Variants in SP100 observed in about 807,000 individuals in gnomAD.
SP100 encodes the protein nuclear autoantigen Sp-100.
SP100 carries 84 observed loss-of-function variants against 130.0 expected under a neutral mutation model. That is an observed-to-expected ratio of 0.65 (90% CI 0.54 to 0.77). SP100 has a LOEUF of 0.77. Among genes scored for constraint, SP100 ranks in the 30% least tolerant of loss-of-function variants. The pLI, the probability that SP100 is intolerant of heterozygous loss-of-function variation, is 0.00. For missense variants in SP100, 978 were observed against 1,052.2 expected (o/e 0.93, Z 0.97); for synonymous variants, 331 against 351.7 (o/e 0.94, Z 0.66).
At chr2:230,505,493 T>G (rs140600950) in intron 21 of SP100, among the ~76,000 whole-genome samples, 5 of 152,344 alleles carry the variant, frequency 3.3e-5, no homozygotes, top group African/African-American at 1.2e-4. Flanking sequence ...AGCCAGGTGC[T>G]CGGTCTCTCT....
In SP100 at chr2:230,416,878, C is replaced by A. The variant is rs1474965210; in HGVS notation, c.32+550C>A. The stretch of plus-strand genomic sequence containing the variant: ...AAGAAGGAAAGGGAAGAAAAAGGCC[C>A]AGGGTGACAAACGGCTAAATATTTT... On this transcript the variant is annotated intron_variant, in intron 1 of 28. Coordinates refer to ENST00000340126, the MANE Select transcript of SP100 (RefSeq NM_001080391.2). 5 of 985,426 alleles carry A rather than the reference C, an allele frequency of 5.1e-6. No individual in the cohort carries two copies. The South Asian group carries it at 2.3e-4, about 46-fold the overall frequency. The allele number at this position is 985,426 out of a possible 1,614,324, so 61.0% of individuals were successfully genotyped here. A position where few individuals can be genotyped will look rare whatever the true frequency, so the allele number is the denominator to read the frequency against.
chr2:230,441,991 A>C (rs1236921306), intron 2 of SP100, among the ~76,000 whole-genome samples: 1 of 152,138 alleles, frequency 6.6e-6, no homozygotes, highest in Non-Finnish European at 1.5e-5. Flanking sequence ...TCTCTTTGTC[A>C]TTGTGAATCT....
rs78252227 is a variant in SP100 at position 230,457,752 on chromosome 2, A to G, written c.821-3510A>G. ...CCTCAGCTCTTGCAAAGGTATTTTC[A>G]TGCATAGGTCGTTGTTCACATCAGT... On this transcript the variant is annotated intron_variant, in intron 8 of 28. Transcript: ENST00000340126. Among the ~76,000 whole-genome samples, 463 of 152,224 alleles carry G rather than the reference A, an allele frequency of 3.0e-3. 2 individuals are homozygous for G. Among genetic ancestry groups the G allele is most frequent in the Non-Finnish European group, 5.1e-3 (347 of 68,024 alleles).
Position 230,539,186 on chromosome 2 carries a change from C to T in SP100, c.2095-81C>T, listed in dbSNP as rs1329061735. On this transcript the variant is annotated intron_variant, in intron 24 of 28. Transcript: ENST00000340126. ...TTGAGGACAGAAATTTACAAGTGTG[C>T]CCTTGATACATAAAAAGGTCACATA... 1.2e-5 allele frequency: 10 copies of T among 805,672 alleles called. No individual in the cohort carries two copies. The South Asian group carries it at 1.3e-4, about 11-fold the overall frequency. The allele number at this position is 805,672 out of a possible 1,614,324, so 49.9% of individuals were successfully genotyped here.
intron 24 of SP100, among the ~76,000 whole-genome samples, chr2:230,512,058 G>A (rs1339386021): frequency 1.3e-5 from 2 of 151,762 alleles, no homozygotes; most frequent in Admixed American, 6.6e-5. Flanking sequence ...GTAGAGCCAG[G>A]GTCTCACTAT....
intron 17 of SP100, among the ~76,000 whole-genome samples, chr2:230,493,003 C>T (rs1343255976): frequency 6.6e-6 from 1 of 152,144 alleles, no homozygotes; most frequent in Non-Finnish European, 1.5e-5. Flanking sequence ...TCTTTAAAGT[C>T]CAATAAATTT....
chr2:230,515,234 A>G (rs746846523), intron 24 of SP100: 2 of 1,613,474 alleles, frequency 1.2e-6, no homozygotes, highest in South Asian at 1.1e-5. Flanking sequence ...AAGGCCCATT[A>G]TGAAAGAGAA....
At chr2:230,517,032 C>T (rs752860682) in intron 24 of SP100, among the ~76,000 whole-genome samples, 8 of 151,922 alleles carry the variant, frequency 5.3e-5, no homozygotes, top group Non-Finnish European at 8.8e-5. Flanking sequence ...ATTTGGGGAA[C>T]ATTTTATCGA....
intron 17 of SP100, among the ~76,000 whole-genome samples, chr2:230,491,512 C>T (rs13021299): frequency 0.22 from 34,006 of 152,178 alleles, 4,973 homozygotes; most frequent in African/African-American, 0.42. Flanking sequence ...TCCAGCCTCC[C>T]TGGCTCCAGC....
chr2:230,514,338 G>T (rs1190664566), intron 24 of SP100, among the ~76,000 whole-genome samples: 2 of 150,508 alleles, frequency 1.3e-5, no homozygotes, highest in African/African-American at 2.5e-5. Context: ...TAATCAAAAA[G>T]AGAATTTGTG....
intron 23 of SP100, chr2:230,508,310 A>AAATT: frequency 4.6e-5 from 6 of 129,134 alleles, no homozygotes; most frequent in Non-Finnish European, 7.8e-5. Flanking sequence ...TAAATGCCAT[A>AAATT]CTTTTTTTTT....
chr2:230,473,208 G>C, intron 15 of SP100, 116 bp from the exon 16 acceptor site: 1 of 658,798 alleles, frequency 1.5e-6, no homozygotes, highest in East Asian at 2.6e-5. Context: ...GATTTCAGAT[G>C]TAGAGCCCAT....
chr2:230,436,601 C>A (rs2063275129), intron 2 of SP100, among the ~76,000 whole-genome samples: 1 of 152,184 alleles, frequency 6.6e-6, no homozygotes, highest in African/African-American at 2.4e-5. Flanking sequence ...TCCAGCCACA[C>A]TGAACTGTAA....
At chr2:230,416,715 T>G in intron 1 of SP100, 1 of 1,002,702 alleles carries the variant, frequency 1.0e-6, no homozygotes, top group Non-Finnish European at 1.2e-6. Flanking sequence ...CTTTAGAAAA[T>G]AAACACTCCA....
At chr2:230,436,696 T>C (rs1024082576) in intron 2 of SP100, among the ~76,000 whole-genome samples, 1 of 152,232 alleles carries the variant, frequency 6.6e-6, no homozygotes, top group Non-Finnish European at 1.5e-5. Flanking sequence ...TATATACTCC[T>C]TGGTAAATTC....
At chr2:230,451,480 C>CTGTT (rs556376032) in intron 8 of SP100, among the ~76,000 whole-genome samples, 54 of 152,228 alleles carry the variant, frequency 3.5e-4, no homozygotes, top group South Asian at 8.3e-4. Flanking sequence ...ATTTAAAAAT[C>CTGTT]TGTTTGTTTG....
At chr2:230,454,439 T>G (rs1251944995) in intron 8 of SP100, among the ~76,000 whole-genome samples, 1 of 152,172 alleles carries the variant, frequency 6.6e-6, no homozygotes, top group Admixed American at 6.5e-5. Context: ...AAACTTCCCC[T>G]CTTGTAACTG....
intron 9 of SP100, 114 bp downstream of exon 9, chr2:230,461,528 A>C (rs1202421946): frequency 9.8e-7 from 1 of 1,019,234 alleles, no homozygotes; most frequent in Non-Finnish European, 1.5e-6. Context: ...TGGAGGCAGG[A>C]AGGGAAAGGG....
At position 230,469,856 on chromosome 2, in the gene SP100, A is replaced by G. The variant is rs1235159774; in HGVS notation, c.1346-159A>G. The G allele has an allele frequency of 6.6e-6, 10 of 1,509,464 alleles. No individual in the cohort carries two copies. The East Asian group carries it at 1.8e-4, about 28-fold the overall frequency. The allele number at this position is 1,509,464 out of a possible 1,614,324, so 93.5% of individuals were successfully genotyped here. On this transcript the variant is annotated intron_variant, in intron 14 of 28. Coordinates refer to ENST00000340126, the MANE Select transcript of SP100 (RefSeq NM_001080391.2). ...GAGGGCTCCTGGAGCAATCTTGACC[A>G]ACAGGTCAGATGATCAAAGCCAAAG...
Sources: gnomAD v4.1 joint callset for allele counts (sites outside exome capture counted in the v4.1 genomes callset) on GRCh38, gnomAD v4.1.1 for gene constraint, MANE v1.5 for transcripts, NCBI Gene and HGNC (gene_info 2026-07-23, HGNC 2026-07-21) for gene names.